The following SARDH variants were observed in gnomAD, a reference collection of about 807,000 sequenced individuals.
The protein encoded by SARDH is sarcosine dehydrogenase, mitochondrial.
SARDH carries 95 observed loss-of-function variants against 109.1 expected under a neutral mutation model. The ratio of observed to expected loss-of-function variants is 0.87; its 90% CI spans 0.74 to 1.03. The LOEUF (loss-of-function observed/expected upper bound fraction) is 1.03. SARDH is among the 50% of genes least tolerant of loss of function. The pLI is 0.00. For synonymous variants in SARDH, 572 were observed against 534.8 expected (o/e 1.07, Z -0.96); for missense variants, 1,267 against 1,287.8 (o/e 0.98, Z 0.25).
At chr9:133,725,895 A>G (rs1832473325) in intron 6 of SARDH, among the ~76,000 whole-genome samples, 1 of 152,106 alleles carries the variant, frequency 6.6e-6, no homozygotes, top group Admixed American at 6.6e-5. Flanking sequence ...ACAGGGAGAT[A>G]CGACCCCTGT....
chr9:133,707,093 G>A (rs1831721467), intron 11 of SARDH, among the ~76,000 whole-genome samples: 1 of 152,178 alleles, frequency 6.6e-6, no homozygotes, highest in Non-Finnish European at 1.5e-5. Flanking sequence ...CTTTATAAAA[G>A]AAAGAAAGAG....
Position 133,728,044 on chromosome 9 carries a change from G to C in SARDH, c.915+1721C>G, listed in dbSNP as rs758681576. Among the ~76,000 whole-genome samples, 2 of 152,082 alleles carry C rather than the reference G, an allele frequency of 1.3e-5. No homozygotes were observed. Among genetic ancestry groups the C allele is most frequent in the Non-Finnish European group, 2.9e-5 (2 of 68,000 alleles). ...CCTAGGGGAGGAGGCTCTCCCCAGG[G>C]ACCCGGAGCCAGGGAGGAGGCCTCA... On this transcript the variant is annotated intron_variant, in intron 6 of 20. Coordinates refer to ENST00000439388, the MANE Select transcript of SARDH (RefSeq NM_001134707.2). This position sits in a 1 kb window ranked among gnomAD's most constrained non-coding sequence, Gnocchi z 5.0.
At chr9:133,675,349 TA>T (rs34271750) in intron 17 of SARDH, among the ~76,000 whole-genome samples, 31,156 of 145,038 alleles carry the variant, frequency 0.21, 3,316 homozygotes, top group East Asian at 0.39. Flanking sequence ...AGACTCCATT[TA>T]AAAAAAAAAA....
chr9:133,718,127 A>C lies in SARDH; in HGVS notation c.1021-672T>G, dbSNP rs982120602. ...CACTCTGTCACCCAGGCTGGAGTAA[A>C]GTGGTGCGATCTCGGCTCACTGCCA... On this transcript the variant is annotated intron_variant, in intron 7 of 20. Transcript: ENST00000439388. This position sits in a 1 kb window ranked among gnomAD's most constrained non-coding sequence, Gnocchi z 4.2. 6.6e-6 allele frequency among the ~76,000 whole-genome samples: 1 copy of C among 152,162 alleles called. No homozygotes were observed. The highest frequency in any genetic ancestry group is 1.9e-4 in the East Asian group (1 of 5,188).
chr9:133,721,808 A>G (rs1386134073), intron 6 of SARDH, among the ~76,000 whole-genome samples: 1 of 152,240 alleles, frequency 6.6e-6, no homozygotes, highest in Non-Finnish European at 1.5e-5. Flanking sequence ...CCAGCAATAT[A>G]TAAGAGAGAT....
rs1427001179 is a variant in SARDH at position 133,692,554 on chromosome 9, A to G, written c.1921+1704T>C. Among the ~76,000 whole-genome samples the G allele has an allele frequency of 6.6e-6, 1 of 152,060 alleles. No homozygotes were observed. The highest frequency in any genetic ancestry group is 2.4e-5 in the African/African-American group (1 of 41,394). ...CCCTCTCCTCCAGGAAGCCTTGCTC[A>G]TCCCGGCTCGGCGGCTTCACATGGC... On this transcript the variant is annotated intron_variant, in intron 15 of 20. Coordinates refer to ENST00000439388, the MANE Select transcript of SARDH (RefSeq NM_001134707.2). This position sits in a 1 kb window ranked among gnomAD's most constrained non-coding sequence, Gnocchi z 5.0.
At position 133,718,670 on chromosome 9, in the gene SARDH, T is replaced by C; in HGVS notation, c.1020+268A>G. 1.3e-6 allele frequency: 1 copy of C among 779,622 alleles called. No homozygotes were observed. Among genetic ancestry groups the C allele is most frequent in the East Asian group, 2.4e-5 (1 of 41,188 alleles). 48.3% of individuals were successfully genotyped at this position (779,622 alleles called of 1,614,324 possible). On this transcript the variant is annotated intron_variant, in intron 7 of 20. Coordinates refer to ENST00000439388, the MANE Select transcript of SARDH (RefSeq NM_001134707.2). This position sits in a 1 kb window ranked among gnomAD's most constrained non-coding sequence, Gnocchi z 4.2. Reference sequence around the variant, plus strand: ...GGACTTGTGTGCTCTCATGCCCTTCTGAGGTCATCACTCCACACTGCGCAG... The same window carrying C: ...GGACTTGTGTGCTCTCATGCCCTTCCGAGGTCATCACTCCACACTGCGCAG...
Position 133,718,456 on chromosome 9 carries a change from G to A in SARDH, c.1020+482C>T. 5.9e-6 allele frequency: 3 copies of A among 506,906 alleles called. No homozygotes were observed. The highest frequency in any genetic ancestry group is 1.9e-5 in the African/African-American group (1 of 52,152). 31.4% of individuals were successfully genotyped at this position (506,906 alleles called of 1,614,324 possible). A position where few individuals can be genotyped will look rare whatever the true frequency, so the allele number is the denominator to read the frequency against. On this transcript the variant is annotated intron_variant, in intron 7 of 20. Coordinates refer to ENST00000439388, the MANE Select transcript of SARDH (RefSeq NM_001134707.2). This position sits in a 1 kb window ranked among gnomAD's most constrained non-coding sequence, Gnocchi z 4.2. Reference sequence around the variant, plus strand: ...TTATCTTAGTTTCCCTCTTTCTCCAGAAATTAAAGCAGTTTTTAGCCCAAA... The same window carrying A: ...TTATCTTAGTTTCCCTCTTTCTCCAAAAATTAAAGCAGTTTTTAGCCCAAA...
chr9:133,664,087 G>T (rs1829973752), intron 20 of SARDH, 73 bp from the exon 21 acceptor site: 12 of 1,564,222 alleles, frequency 7.7e-6, no homozygotes, highest in African/African-American at 1.4e-5. Context: ...TGCTTCTCTG[G>T]AGGAGGGGGT....
intron 2 of SARDH, 97 bp from the exon 3 acceptor site, chr9:133,732,698 G>T (rs530466428): frequency 2.2e-6 from 3 of 1,374,638 alleles, no homozygotes; most frequent in East Asian, 2.4e-5. Context: ...TCAACCATGG[G>T]TGTCTTTCTC....
At chr9:133,722,315 T>TTA (rs1554758426) in intron 6 of SARDH, among the ~76,000 whole-genome samples, 93 of 151,644 alleles carry the variant, frequency 6.1e-4, no homozygotes, top group South Asian at 1.7e-3. Context: ...TTTTTTTTTT[T>TTA]AAAGCCTCAA....
intron 6 of SARDH, among the ~76,000 whole-genome samples, chr9:133,724,803 A>C (rs1215459016): frequency 6.6e-6 from 1 of 152,148 alleles, no homozygotes; most frequent in African/African-American, 2.4e-5. Context: ...AGAATACTCC[A>C]GTGAGCATTT....
At chr9:133,660,559 G>T (rs1194705003), downstream of SARDH, among the ~76,000 whole-genome samples, 1 of 152,222 alleles carries the variant, frequency 6.6e-6, no homozygotes, top group Non-Finnish European at 1.5e-5. Context: ...CGAATGATTG[G>T]GGTGTGAGTC....
chr9:133,705,926 G>A (rs1278391542), intron 11 of SARDH, among the ~76,000 whole-genome samples: 1 of 152,136 alleles, frequency 6.6e-6, no homozygotes, highest in East Asian at 1.9e-4. Flanking sequence ...GTGAGAAGGT[G>A]GCCGACTACA....
In SARDH at chr9:133,729,878, C is replaced by T; in HGVS notation, c.815-13G>A. On this transcript the variant is annotated splice_polypyrimidine_tract_variant and intron_variant, in intron 5 of 20. Transcript: ENST00000439388. ...CTTGCCCACACTCCTGCGGGCAGAG[C>T]ACAGACAGCTCAGCTCTGCTGACAC... 2 of 1,610,768 alleles carry T rather than the reference C, an allele frequency of 1.2e-6. No individual in the cohort carries two copies. The highest frequency in any genetic ancestry group is 1.7e-6 in the Non-Finnish European group (2 of 1,179,668).
chr9:133,673,286 T>A (rs1830412897), intron 17 of SARDH, among the ~76,000 whole-genome samples: 1 of 152,248 alleles, frequency 6.6e-6, no homozygotes, highest in Non-Finnish European at 1.5e-5. Flanking sequence ...CGTCCTCACC[T>A]TCAGGCAAAC....
At chr9:133,713,550 C>T (rs1345877717) in intron 8 of SARDH, among the ~76,000 whole-genome samples, 2 of 152,244 alleles carry the variant, frequency 1.3e-5, no homozygotes, top group Non-Finnish European at 2.9e-5. Flanking sequence ...CACTCCACTT[C>T]CCCCCGCCCA....
intron 4 of SARDH, 40 bp from the exon 5 acceptor site, chr9:133,730,227 TC>T: frequency 6.2e-7 from 1 of 1,606,884 alleles, no homozygotes; most frequent in Non-Finnish European, 8.5e-7. Flanking sequence ...CCCACGGGAC[TC>T]CCCGGGGGTG....
rs148998061 is a variant in SARDH, at chr9:133,692,062, C to T, written c.1922-1535G>A. The stretch of plus-strand genomic sequence containing the variant: ...GACAGCTTCCCCTTATGAGGGGGGA[C>T]GAGCAAGGTCCTCATTCCCCAGCCA... On this transcript the variant is annotated intron_variant, in intron 15 of 20. Transcript: ENST00000439388. The surrounding 1 kb of genome is among the most constrained non-coding windows in gnomAD (Gnocchi z 5.0). 3.9e-5 allele frequency among the ~76,000 whole-genome samples: 6 copies of T among 152,266 alleles called. No individual in the cohort carries two copies. The East Asian group carries it at 9.6e-4, about 24-fold the overall frequency.
Sources: allele counts gnomAD v4.1 joint callset (sites outside exome capture counted in the v4.1 genomes callset), GRCh38; gene constraint gnomAD v4.1.1; non-coding constraint Gnocchi (gnomAD v3.1); transcripts MANE v1.5; gene names NCBI Gene and HGNC (gene_info 2026-07-23, HGNC 2026-07-21).